Variants in GRIK1 observed in about 807,000 individuals in gnomAD.
GRIK1 encodes the protein glutamate ionotropic receptor kainate type subunit 1.
GRIK1 carries 69 observed loss-of-function variants against 105.7 expected under a neutral mutation model. That is an observed-to-expected ratio of 0.65 (90% confidence interval 0.54 to 0.80). GRIK1 has a LOEUF of 0.80. Among genes scored for constraint, GRIK1 ranks in the 30% least tolerant of loss-of-function variants. GRIK1 has a pLI of 0.00. For synonymous variants in GRIK1, 438 were observed against 431.3 expected (o/e 1.02, Z -0.19); for missense variants, 1,109 against 1,167.3 (o/e 0.95, Z 0.73).
At chr21:29,891,474 T>C (rs920496226) in intron 1 of GRIK1, among the ~76,000 whole-genome samples, 1 of 152,212 alleles carries the variant, frequency 6.6e-6, no homozygotes, top group Non-Finnish European at 1.5e-5. Flanking sequence ...GCATTCTACA[T>C]CTAGAAAATG....
chr21:29,553,180 T>A (rs1291551860), intron 16 of GRIK1: 1 of 980,196 alleles, frequency 1.0e-6, no homozygotes, highest in Non-Finnish European at 1.2e-6. Context: ...TTCACAAAGA[T>A]GAAAAGAAGT....
intron 1 of GRIK1, among the ~76,000 whole-genome samples, chr21:29,909,756 A>G (rs1342203171): frequency 5.3e-5 from 8 of 152,178 alleles, no homozygotes; most frequent in African/African-American, 1.9e-4. Context: ...CTGAAAAATC[A>G]CATGGGCATT....
rs117156435 is a variant in GRIK1, at chr21:29,843,346, T to C, written c.118+96037A>G. 5.6e-3 allele frequency among the ~76,000 whole-genome samples: 847 copies of C among 152,276 alleles called. 18 individuals carry two copies. The highest frequency in any genetic ancestry group is 0.039 in the Admixed American group (603 of 15,292). ...TTTGAGGACTTACAATGTTTGTTTGTTTGCTTTTGTTCATTTATTTTTGTT... is the reference window on the plus strand; with the variant it reads ...TTTGAGGACTTACAATGTTTGTTTGCTTGCTTTTGTTCATTTATTTTTGTT... On this transcript the variant is annotated intron_variant, in intron 1 of 17. Transcript: ENST00000327783.
chr21:29,799,675 A>G (rs779827348), intron 1 of GRIK1, among the ~76,000 whole-genome samples: 29 of 152,120 alleles, frequency 1.9e-4, no homozygotes, highest in Non-Finnish European at 4.0e-4. Context: ...GACTACAGGC[A>G]TGCACCACCA....
chr21:29,858,306 G>T (rs900364910), intron 1 of GRIK1, among the ~76,000 whole-genome samples: 4 of 152,262 alleles, frequency 2.6e-5, no homozygotes, highest in Admixed American at 6.5e-5. Flanking sequence ...GAGAAGGCTG[G>T]ATTCTTCAAT....
intron 5 of GRIK1, among the ~76,000 whole-genome samples, chr21:29,654,038 A>C (rs1188251470): frequency 6.6e-6 from 1 of 152,204 alleles, no homozygotes; most frequent in Non-Finnish European, 1.5e-5. Context: ...TGACCCCCCC[A>C]GAATCCAGGT....
intron 1 of GRIK1, among the ~76,000 whole-genome samples, chr21:29,888,851 C>T (rs982342018): frequency 6.6e-6 from 1 of 152,020 alleles, no homozygotes; most frequent in Non-Finnish European, 1.5e-5. Flanking sequence ...TTTTTTTCCC[C>T]CTCCCCACTA....
intron 2 of GRIK1, among the ~76,000 whole-genome samples, chr21:29,692,311 G>C (rs1485417579): frequency 1.3e-5 from 2 of 152,198 alleles, no homozygotes; most frequent in African/African-American, 4.8e-5. Flanking sequence ...ATGTGTAGGA[G>C]TGTTAGTGTC....
chr21:29,826,595 G>T (rs2067463516), intron 1 of GRIK1, among the ~76,000 whole-genome samples: 1 of 152,052 alleles, frequency 6.6e-6, no homozygotes, highest in African/African-American at 2.4e-5. Flanking sequence ...AGGCCACCCT[G>T]CAGATTTTGG....
In GRIK1 at chr21:29,587,538, CT is replaced by C; in HGVS notation, c.1620del (p.Val541SerfsTer9). ...ATGAAGGGTTTGGAGAAGTCAATGA[CT>C]TTCTCCCGCACGTAGGTGATGGTAA... is the stretch of plus-strand genomic sequence containing the variant. ...APLTITYVRE[K>X]VIDFSKPFMT... On this transcript the variant is annotated frameshift_variant, in exon 12 of 18. Transcript: ENST00000327783. LOFTEE classifies it high-confidence loss of function. 6.2e-7 allele frequency: 1 copy of C among 1,613,652 alleles called. No homozygotes were observed. The highest frequency in any genetic ancestry group is 8.5e-7 in the Non-Finnish European group (1 of 1,179,568).
chr21:29,816,239 C>A (rs1039839097), intron 1 of GRIK1, among the ~76,000 whole-genome samples: 1 of 151,908 alleles, frequency 6.6e-6, no homozygotes, highest in African/African-American at 2.4e-5. Context: ...ATCAAAACCA[C>A]AATGAGATAT....
intron 6 of GRIK1, 46 bp from the exon 7 acceptor site, chr21:29,643,015 A>G: frequency 6.3e-7 from 1 of 1,582,266 alleles, no homozygotes; most frequent in Non-Finnish European, 8.7e-7. Flanking sequence ...ACTTTTGCTT[A>G]CCTTCCTTTA....
At chr21:29,792,227 T>C (rs751919541) in intron 1 of GRIK1, among the ~76,000 whole-genome samples, 1 of 152,176 alleles carries the variant, frequency 6.6e-6, no homozygotes, top group African/African-American at 2.4e-5. Flanking sequence ...TTAGATAAGT[T>C]CAGCTTTTGA....
chr21:29,585,845 C>G (rs1366630842), intron 12 of GRIK1, among the ~76,000 whole-genome samples: 5 of 152,142 alleles, frequency 3.3e-5, no homozygotes, highest in Admixed American at 6.5e-5. Flanking sequence ...ATACCCAAAG[C>G]AATATCTTCT....
chr21:29,586,899 T>C (rs2091141461), intron 12 of GRIK1, among the ~76,000 whole-genome samples: 1 of 152,234 alleles, frequency 6.6e-6, no homozygotes, highest in African/African-American at 2.4e-5. Flanking sequence ...TTTTAAAGTA[T>C]TTTTCTTCAT....
intron 1 of GRIK1, among the ~76,000 whole-genome samples, chr21:29,698,560 A>G (rs1053112157): frequency 6.6e-6 from 1 of 152,164 alleles, no homozygotes; most frequent in Non-Finnish European, 1.5e-5. Context: ...GTTCTCTTTC[A>G]TTGCTCGTGT....
At chr21:29,757,449 A>T (rs2065379196) in intron 1 of GRIK1, among the ~76,000 whole-genome samples, 2 of 152,248 alleles carry the variant, frequency 1.3e-5, no homozygotes, top group Non-Finnish European at 2.9e-5. Context: ...TACTTCTGTG[A>T]ATAAAAGATG....
intron 1 of GRIK1, among the ~76,000 whole-genome samples, chr21:29,786,223 GT>G: frequency 1.3e-5 from 2 of 152,186 alleles, no homozygotes; most frequent in Non-Finnish European, 2.9e-5. Context: ...TCTTGACCCT[GT>G]GATCCGCCCG....
intron 1 of GRIK1, among the ~76,000 whole-genome samples, chr21:29,707,230 T>G (rs2063929694): frequency 6.6e-6 from 1 of 152,148 alleles, no homozygotes; most frequent in Non-Finnish European, 1.5e-5. Context: ...CTAAATAATT[T>G]TATTTTAAAA....
Sources: allele counts gnomAD v4.1 joint callset (sites outside exome capture counted in the v4.1 genomes callset), GRCh38; gene constraint gnomAD v4.1.1; transcripts MANE v1.5; gene names NCBI Gene and HGNC (gene_info 2026-07-23, HGNC 2026-07-21).